The following ZNF469 variants were observed in gnomAD, a reference collection of about 807,000 sequenced individuals.
ZNF469 encodes the protein zinc finger protein 469.
Under a neutral mutation model 1.0 loss-of-function variants are expected in ZNF469, and 1 was observed. The ratio of observed to expected loss-of-function variants is 1.00; its 90% confidence interval spans 0.35 to 4.73. ZNF469 has a LOEUF of 4.73. Ranked by LOEUF, ZNF469 falls within the 30% of genes most tolerant of loss-of-function variation. The pLI is 0.16. For missense variants in ZNF469, 6,100 were observed against 5,356.3 expected, an observed-to-expected ratio of 1.14 and a Z score of -4.33; for synonymous variants, 2,703 against 2,363.4, an observed-to-expected ratio of 1.14 and a Z score of -4.17.
the ZNF469 span, among the ~76,000 whole-genome samples, chr16:88,368,181 C>A: frequency 6.6e-6 from 1 of 152,272 alleles, no homozygotes; most frequent in East Asian, 1.9e-4. Flanking sequence ...AGCTTGGCAT[C>A]AGATGCTGTG....
chr16:88,297,551 G>A, the ZNF469 span, among the ~76,000 whole-genome samples: 2 of 152,216 alleles, frequency 1.3e-5, no homozygotes, highest in East Asian at 1.9e-4. Context: ...AACGGAAGCT[G>A]TTGCCATGAG....
the ZNF469 span, among the ~76,000 whole-genome samples, chr16:88,147,399 C>T: frequency 1.3e-5 from 2 of 152,028 alleles, no homozygotes; most frequent in African/African-American, 2.4e-5. Context: ...CTGTGGCCAT[C>T]GTTCTGGCAG....
chr16:88,429,639 CCTGGACCAG>C lies in ZNF469; in HGVS notation c.2176_2184del (p.Gln726_Asp728del). 6.5e-7 allele frequency: 1 copy of C among 1,543,812 alleles called. No homozygotes were observed. The highest frequency in any genetic ancestry group is 8.8e-7 in the Non-Finnish European group (1 of 1,142,684). ...ACCACTTCTCCCTCAGCAGCGCCAG[CCTGGACCAG>C]CTGGACGTGCTGCTGACCTGCAGGC... On this transcript the variant is annotated inframe_deletion, in exon 3 of 3. Transcript: ENST00000565624.
chr16:88,207,772 C>T, the ZNF469 span, among the ~76,000 whole-genome samples: 2 of 143,148 alleles, frequency 1.4e-5, no homozygotes, highest in African/African-American at 5.0e-5. Flanking sequence ...GCCTCCTCTC[C>T]TATCTGAAAT....
the ZNF469 span, among the ~76,000 whole-genome samples, chr16:88,226,150 C>T: frequency 1.3e-5 from 2 of 152,174 alleles, no homozygotes; most frequent in African/African-American, 4.8e-5. Flanking sequence ...GTGGAGGGTG[C>T]TAAACGTCTT....
chr16:88,406,012 A>G, intron 1 of ZNF469, among the ~76,000 whole-genome samples: 1 of 152,234 alleles, frequency 6.6e-6, no homozygotes, highest in East Asian at 1.9e-4. Context: ...AAATTAATTA[A>G]AACCAGCTGA....
chr16:88,310,353 T>A, the ZNF469 span, among the ~76,000 whole-genome samples: 1 of 152,006 alleles, frequency 6.6e-6, no homozygotes, highest in Non-Finnish European at 1.5e-5. Flanking sequence ...ACTGCTTAAA[T>A]TTTAGGGTGG....
the ZNF469 span, among the ~76,000 whole-genome samples, chr16:88,120,606 C>G: frequency 2.0e-5 from 3 of 152,188 alleles, no homozygotes; most frequent in Admixed American, 6.5e-5. Flanking sequence ...CAACCAGGGA[C>G]GGAGCCGCCC....
chr16:88,101,899 G>A, the ZNF469 span, among the ~76,000 whole-genome samples: 9 of 152,130 alleles, frequency 5.9e-5, no homozygotes, highest in South Asian at 4.2e-4. Context: ...AAGCCGTCAC[G>A]CTGGGAGGTC....
the ZNF469 span, among the ~76,000 whole-genome samples, chr16:88,219,536 T>C: frequency 6.8e-6 from 1 of 146,866 alleles, no homozygotes; most frequent in Non-Finnish European, 1.5e-5. Context: ...CCCTATTTAA[T>C]AAATGGTGCT....
At chr16:88,222,567 G>A in the ZNF469 span, among the ~76,000 whole-genome samples, 3 of 152,206 alleles carry the variant, frequency 2.0e-5, no homozygotes, top group Admixed American at 6.5e-5. Context: ...AGTCCAGCCT[G>A]ACCAACATGG....
At chr16:88,409,857 C>T (rs1409958482) in intron 1 of ZNF469, among the ~76,000 whole-genome samples, 4 of 23,504 alleles carry the variant, frequency 1.7e-4, no homozygotes, top group Non-Finnish European at 2.9e-4. Flanking sequence ...GTGTGGTGGC[C>T]ATCTTGGCCG....
the ZNF469 span, among the ~76,000 whole-genome samples, chr16:88,130,890 G>T: frequency 6.6e-6 from 1 of 152,308 alleles, no homozygotes; most frequent in South Asian, 2.1e-4. Flanking sequence ...CCCGCGGAGT[G>T]GGGGTGTGAA....
intron 1 of ZNF469, among the ~76,000 whole-genome samples, chr16:88,413,250 A>G (rs7206901): frequency 0.97 from 148,429 of 152,360 alleles, 72,315 homozygotes; most frequent in East Asian, 1. Context: ...AGCAGCAGGA[A>G]ATGGCTGGGT....
the ZNF469 span, among the ~76,000 whole-genome samples, chr16:88,197,059 C>T: frequency 2.0e-5 from 3 of 152,182 alleles, no homozygotes; most frequent in African/African-American, 7.2e-5. Flanking sequence ...GGTCACTGAC[C>T]GTTTTCAGGG....
the ZNF469 span, among the ~76,000 whole-genome samples, chr16:88,133,678 C>T: frequency 0.033 from 4,972 of 150,690 alleles, no homozygotes; most frequent in African/African-American, 0.11. Flanking sequence ...TAAATAAAAT[C>T]AAATAATTAT....
the ZNF469 span, among the ~76,000 whole-genome samples, chr16:88,176,987 G>A: frequency 6.6e-6 from 1 of 152,228 alleles, no homozygotes; most frequent in African/African-American, 2.4e-5. Flanking sequence ...GCCTCATCCG[G>A]GAATGGGATG....
chr16:88,318,093 G>A, the ZNF469 span, among the ~76,000 whole-genome samples: 4 of 152,330 alleles, frequency 2.6e-5, no homozygotes, highest in East Asian at 3.9e-4. Flanking sequence ...AGGGACCTGC[G>A]ATCCCTGCCC....
At chr16:88,215,703 A>T in the ZNF469 span, among the ~76,000 whole-genome samples, 1 of 151,462 alleles carries the variant, frequency 6.6e-6, no homozygotes, top group Non-Finnish European at 1.5e-5. Flanking sequence ...CTTTTTTTTT[A>T]AATCAATAAA....
Sources: allele counts gnomAD v4.1 joint callset (sites outside exome capture counted in the v4.1 genomes callset), GRCh38; gene constraint gnomAD v4.1.1; transcripts MANE v1.5; gene names NCBI Gene and HGNC (gene_info 2026-07-23, HGNC 2026-07-21).